The following NMBR variants were observed in gnomAD, a reference collection of about 807,000 sequenced individuals.
NMBR encodes the protein neuromedin B receptor.
A neutral mutation model predicts 20.5 loss-of-function variants in NMBR; 16 were observed. The ratio of observed to expected loss-of-function variants is 0.78; its 90% CI spans 0.53 to 1.19. The LOEUF is 1.19. NMBR is among the 50% of genes most tolerant of loss of function. The pLI is 0.00. For synonymous variants in NMBR, 212 were observed against 196.6 expected (o/e 1.08, Z -0.65); for missense variants, 582 against 499.1 (o/e 1.17, Z -1.58).
chr6:142,140,580 A>G (rs1333141124), intron 1 of NMBR, among the ~76,000 whole-genome samples: 1 of 152,174 alleles, frequency 6.6e-6, no homozygotes, highest in East Asian at 1.9e-4. Context: ...AACAATAAAT[A>G]CAAAAGATCC....
intron 2 of NMBR, among the ~76,000 whole-genome samples, chr6:142,081,218 C>T (rs1243861228): frequency 6.6e-6 from 1 of 152,116 alleles, no homozygotes; most frequent in African/African-American, 2.4e-5. Context: ...ACCTAATCAC[C>T]TCCCAAAGGC....
chr6:142,144,226 C>T (rs770993087), intron 1 of NMBR, among the ~76,000 whole-genome samples: 6 of 152,068 alleles, frequency 3.9e-5, no homozygotes, highest in Non-Finnish European at 7.4e-5. Flanking sequence ...TCTCATGATA[C>T]TGGAAGCCAA....
At position 142,075,998 on chromosome 6, in the gene NMBR, A is replaced by T; in HGVS notation, c.823T>A (p.Phe275Ile). 6.2e-6 allele frequency: 10 copies of T among 1,609,892 alleles called. No individual in the cohort carries two copies. The highest frequency in any genetic ancestry group is 7.6e-6 in the Non-Finnish European group (9 of 1,178,654). ...TGGTTTGGAAACCAACAGAAGATGA[A>T]ACAGCCCACAAAGACAAGCACAATT... ...AKIVLVFVGCFIFCWFPNHIL... is the reference protein window; with the variant it reads ...AKIVLVFVGCIIFCWFPNHIL... The change falls in exon 4 of 4, where the codon TTC (phenylalanine) becomes ATC (isoleucine). Residue 275 changes from phenylalanine (F) to isoleucine (I), a missense_variant. Physicochemically the swap from Phe to Ile is conservative, Grantham distance 21. Coordinates refer to ENST00000258042, the MANE Select transcript of NMBR (RefSeq NM_002511.4).
intron 2 of NMBR, among the ~76,000 whole-genome samples, chr6:142,086,058 A>G (rs959087998): frequency 6.7e-6 from 1 of 149,218 alleles, no homozygotes; most frequent in Non-Finnish European, 1.5e-5. Context: ...GTTTTGTTTT[A>G]AACTCAGCTT....
rs192065241 is a variant in NMBR at position 142,077,245 on chromosome 6, C to T, written c.772-1196G>A. 6.5e-4 allele frequency among the ~76,000 whole-genome samples: 99 copies of T among 152,254 alleles called. 1 individual carries two copies. Among genetic ancestry groups the T allele is most frequent in the African/African-American group, 2.2e-3 (90 of 41,528 alleles). On this transcript the variant is annotated intron_variant, in intron 3 of 3. Transcript: ENST00000258042. The stretch of plus-strand genomic sequence containing the variant: ...CTCAGCAGATGTCAAGACCCAGTTG[C>T]CCTGCCAGAGTCTATAGGTCCCAAT...
chr6:142,145,020 T>TAAAAAAAAAA (rs34522158), intron 1 of NMBR, among the ~76,000 whole-genome samples: 1 of 97,638 alleles, frequency 1.0e-5, no homozygotes, highest in Non-Finnish European at 1.9e-5. Flanking sequence ...AGAACCTGTC[T>TAAAAAAAAAA]AAAAAAAAAA....
At position 142,075,545 on chromosome 6, in the gene NMBR, A is replaced by G; in HGVS notation, c.*103T>C. The G allele has an allele frequency of 9.1e-7, 1 of 1,094,090 alleles. No individual in the cohort carries two copies. Among genetic ancestry groups the G allele is most frequent in the Non-Finnish European group, 1.3e-6 (1 of 764,170 alleles). 67.8% of individuals were successfully genotyped at this position (1,094,090 alleles called of 1,614,324 possible). A position where few individuals can be genotyped will look rare whatever the true frequency, so the allele number is the denominator to read the frequency against. ...CTTGCATTTTCTGAGTCAATCATGC[A>G]ATTGCCTAATAAATTAGCTAAGCAA... On this transcript the variant is annotated 3_prime_UTR_variant, in exon 4 of 4. Coordinates refer to ENST00000258042, the MANE Select transcript of NMBR (RefSeq NM_002511.4).
intron 1 of NMBR, among the ~76,000 whole-genome samples, chr6:142,137,041 T>A (rs1358444968): frequency 6.6e-6 from 1 of 152,214 alleles, no homozygotes; most frequent in Non-Finnish European, 1.5e-5. Context: ...AGAAAGTCAT[T>A]GGTAGCTTAA....
intron 1 of NMBR, among the ~76,000 whole-genome samples, chr6:142,114,957 A>G (rs935861459): frequency 6.6e-6 from 1 of 152,268 alleles, no homozygotes; most frequent in Non-Finnish European, 1.5e-5. Flanking sequence ...TAGTGACAGT[A>G]AAGAGAACTG....
intron 2 of NMBR, 45 bp downstream of exon 2, chr6:142,088,192 T>C: frequency 6.3e-7 from 1 of 1,581,910 alleles, no homozygotes; most frequent in Non-Finnish European, 8.6e-7. Context: ...TACTCGCCCC[T>C]CTCCACGACT....
chr6:142,088,734 G>T lies in NMBR; in HGVS notation c.-76C>A. 7.5e-7 allele frequency: 1 copy of T among 1,339,228 alleles called. No individual in the cohort carries two copies. The highest frequency in any genetic ancestry group is 1.0e-6 in the Non-Finnish European group (1 of 983,132). The allele number at this position is 1,339,228 out of a possible 1,614,324, so 83.0% of individuals were successfully genotyped here. ...TGAGGACTGAACGCCCACGATTTAG[G>T]TTTAATCGATGTCCCTCCCTCTCGC... On this transcript the variant is annotated 5_prime_UTR_variant, in exon 2 of 4. Transcript: ENST00000258042.
intron 1 of NMBR, among the ~76,000 whole-genome samples, chr6:142,136,989 G>A (rs1173743509): frequency 6.6e-6 from 1 of 152,020 alleles, no homozygotes; most frequent in Non-Finnish European, 1.5e-5. Flanking sequence ...GCTCTTTTTT[G>A]GTTCCATATG....
intron 1 of NMBR, among the ~76,000 whole-genome samples, chr6:142,128,199 T>C (rs1038069112): frequency 6.6e-6 from 1 of 152,096 alleles, no homozygotes; most frequent in East Asian, 1.9e-4. Flanking sequence ...TACAAATAAA[T>C]GCCTGCATCC....
chr6:142,101,887 C>G (rs989619937), intron 1 of NMBR, among the ~76,000 whole-genome samples: 1 of 152,048 alleles, frequency 6.6e-6, no homozygotes, highest in African/African-American at 2.4e-5. Flanking sequence ...TTTTTCAGCT[C>G]TTGTCAATCC....
chr6:142,078,531 C>T, intron 3 of NMBR, 24 bp downstream of exon 3: 2 of 1,376,468 alleles, frequency 1.5e-6, no homozygotes, highest in Non-Finnish European at 2.0e-6. Context: ...CCACACACCA[C>T]CAACCCACGC....
chr6:142,078,668 A>T lies in NMBR; in HGVS notation c.658T>A (p.Tyr220Asn). The T allele has an allele frequency of 6.2e-7, 1 of 1,613,878 alleles. No individual in the cohort carries two copies. Among genetic ancestry groups the T allele is most frequent in the East Asian group, 2.2e-5 (1 of 44,886 alleles). ...KIHSVLIFLV[Y>N]FLIPLAIISI... ...ATAATAGCAAGTGGTATGAGGAAAT[A>T]GACCAAGAAAATGAGCACTGAATGA... Residue 220 changes from tyrosine (Y) to asparagine (N), a missense_variant, in exon 3 of 4, where the codon TAT becomes AAT. Physicochemically the swap from Tyr to Asn is moderately radical, Grantham distance 143 (BLOSUM62 -2). Coordinates refer to ENST00000258042, the MANE Select transcript of NMBR (RefSeq NM_002511.4).
At chr6:142,137,071 A>G (rs1218668456) in intron 1 of NMBR, among the ~76,000 whole-genome samples, 1 of 152,166 alleles carries the variant, frequency 6.6e-6, no homozygotes, top group Non-Finnish European at 1.5e-5. Flanking sequence ...TATTGAATCT[A>G]TAAATTACCT....
At chr6:142,145,598 A>G (rs1008547235) in intron 1 of NMBR, among the ~76,000 whole-genome samples, 1 of 151,784 alleles carries the variant, frequency 6.6e-6, no homozygotes, top group African/African-American at 2.4e-5. Context: ...AAATGCTGCT[A>G]GCTAGTTATT....
At chr6:142,142,572 C>T (rs1012446911) in intron 1 of NMBR, among the ~76,000 whole-genome samples, 3 of 151,966 alleles carry the variant, frequency 2.0e-5, no homozygotes, top group Non-Finnish European at 2.9e-5. Flanking sequence ...TAACAATTTC[C>T]CCTGTAGTCT....
Sources: gnomAD v4.1 joint callset for allele counts (sites outside exome capture counted in the v4.1 genomes callset) on GRCh38, gnomAD v4.1.1 for gene constraint, MANE v1.5 for transcripts, NCBI Gene and HGNC (gene_info 2026-07-23, HGNC 2026-07-21) for gene names.